NME7: variants seen among roughly 807,000 people sequenced by gnomAD.
NME7 encodes the protein nucleoside diphosphate kinase 7.
A neutral mutation model predicts 49.1 loss-of-function variants in NME7; 41 were observed. The observed-to-expected ratio is 0.83, with a 90% CI of 0.65 to 1.08. The LOEUF (loss-of-function observed/expected upper bound fraction) is 1.08. Among genes scored for constraint, NME7 ranks in the 50% least tolerant of loss-of-function variants. The pLI, the probability that NME7 is intolerant of heterozygous loss-of-function variation, is 0.00. For missense variants in NME7, 423 were observed against 463.4 expected, an observed-to-expected ratio of 0.91 and a Z score of 0.80; for synonymous variants, 139 against 150.6, an observed-to-expected ratio of 0.92 and a Z score of 0.56.
At chr1:169,319,266 T>C (rs192878245) in intron 3 of NME7, among the ~76,000 whole-genome samples, 58 of 152,226 alleles carry the variant, frequency 3.8e-4, no homozygotes, top group African/African-American at 1.3e-3. Context: ...AATCTTCACA[T>C]AGAAAAAACG....
In NME7 at chr1:169,315,332, T is replaced by A. The variant is rs1204162721; in HGVS notation, c.279-5252A>T. On this transcript the variant is annotated intron_variant, in intron 3 of 11. Coordinates refer to ENST00000367811, the MANE Select transcript of NME7 (RefSeq NM_013330.5). The stretch of plus-strand genomic sequence containing the variant: ...CAGGCTGGAGTGCAGTGGTGCCATC[T>A]CAGCTCACTACAACCTCCACCTCCC... 4.8e-4 allele frequency among the ~76,000 whole-genome samples: 73 copies of A among 151,372 alleles called. No homozygotes were observed. The Admixed American group carries it at 4.8e-3, about 10-fold the overall frequency.
chr1:169,164,751 A>G (rs1659358341), intron 11 of NME7, among the ~76,000 whole-genome samples: 1 of 152,182 alleles, frequency 6.6e-6, no homozygotes, highest in Non-Finnish European at 1.5e-5. Context: ...ACATCTGTGC[A>G]GATAACTTTC....
intron 7 of NME7, among the ~76,000 whole-genome samples, chr1:169,256,470 T>A (rs57643418): frequency 0.018 from 2,425 of 133,390 alleles, 341 homozygotes; most frequent in African/African-American, 0.054. Context: ...TTCTTCTAAA[T>A]CTTTTTCAAA....
chr1:169,251,354 G>T (rs1298756167), intron 7 of NME7, among the ~76,000 whole-genome samples: 3 of 151,804 alleles, frequency 2.0e-5, no homozygotes, highest in African/African-American at 7.3e-5. Context: ...TATACCCTAA[G>T]TTTATATGAA....
intron 10 of NME7, among the ~76,000 whole-genome samples, chr1:169,181,121 T>C (rs2101748455): frequency 6.9e-6 from 1 of 144,890 alleles, no homozygotes; most frequent in Non-Finnish European, 1.5e-5. Context: ...TCCTAGGCTA[T>C]AATCCTATCT....
chr1:169,308,650 G>GT (rs142059244), intron 4 of NME7, among the ~76,000 whole-genome samples: 1 of 151,540 alleles, frequency 6.6e-6, no homozygotes, highest in African/African-American at 2.4e-5. Context: ...AAAATCACTA[G>GT]TTTTTTTTCT....
chr1:169,180,526 C>A (rs1011898303), intron 10 of NME7, among the ~76,000 whole-genome samples: 1 of 152,108 alleles, frequency 6.6e-6, no homozygotes, highest in Non-Finnish European at 1.5e-5. Context: ...CCTAAACTGC[C>A]GCATGTCTTC....
chr1:169,329,096 C>G (rs1053212802), intron 1 of NME7, among the ~76,000 whole-genome samples: 2 of 152,086 alleles, frequency 1.3e-5, no homozygotes, highest in Non-Finnish European at 2.9e-5. Flanking sequence ...ACCTTTCAGA[C>G]AGAGTATTCA....
At chr1:169,151,498 G>A (rs541690215) in intron 11 of NME7, among the ~76,000 whole-genome samples, 57 of 152,264 alleles carry the variant, frequency 3.7e-4, no homozygotes, top group African/African-American at 1.3e-3. Flanking sequence ...AATGAATCCA[G>A]GGTGGCCCTC....
intron 7 of NME7, among the ~76,000 whole-genome samples, chr1:169,281,756 G>C (rs971536465): frequency 6.6e-6 from 1 of 152,104 alleles, no homozygotes; most frequent in Non-Finnish European, 1.5e-5. Context: ...TACGTTTATC[G>C]ATTTGTGTAT....
At chr1:169,142,481 G>A (rs1658624233) in intron 11 of NME7, among the ~76,000 whole-genome samples, 1 of 152,076 alleles carries the variant, frequency 6.6e-6, no homozygotes, top group African/African-American at 2.4e-5. Context: ...AGAATAAACT[G>A]TACTTCTGTT....
intron 10 of NME7, among the ~76,000 whole-genome samples, chr1:169,173,087 G>A (rs1448084956): frequency 6.6e-6 from 1 of 152,266 alleles, no homozygotes; most frequent in East Asian, 1.9e-4. Context: ...GTGGAAAAAG[G>A]CTCTCTGGAT....
At chr1:169,353,283 A>G (rs11809378) in intron 1 of NME7, among the ~76,000 whole-genome samples, 18,279 of 152,098 alleles carry the variant, frequency 0.12, 1,158 homozygotes, top group Admixed American at 0.14. Flanking sequence ...TTCCAAGAAC[A>G]TATATTGGAG....
At chr1:169,222,818 A>G (rs1661185394) in intron 10 of NME7, among the ~76,000 whole-genome samples, 1 of 152,224 alleles carries the variant, frequency 6.6e-6, no homozygotes, top group South Asian at 2.1e-4. Flanking sequence ...AAAGTTACTA[A>G]TAGACTACAG....
chr1:169,161,204 C>A (rs1336456847), intron 11 of NME7, among the ~76,000 whole-genome samples: 1 of 152,162 alleles, frequency 6.6e-6, no homozygotes, highest in Non-Finnish European at 1.5e-5. Flanking sequence ...TTATCTCTTG[C>A]CATTTTCTAC....
intron 11 of NME7, among the ~76,000 whole-genome samples, chr1:169,164,625 G>A (rs1415891985): frequency 6.6e-6 from 1 of 152,106 alleles, no homozygotes; most frequent in East Asian, 1.9e-4. Flanking sequence ...ACACACATAC[G>A]GACTGATGCA....
rs1414601293 is a variant in NME7 at position 169,287,136 on chromosome 1, T to A, written c.754+167A>T. On this transcript the variant is annotated intron_variant, in intron 7 of 11. Coordinates refer to ENST00000367811, the MANE Select transcript of NME7 (RefSeq NM_013330.5). ...CCACAAAGAAAAGACAAATAGAGAT[T>A]TAGACAGATTTTCCCTTATATTTTG... is the stretch of plus-strand genomic sequence containing the variant. The A allele has an allele frequency of 1.9e-5, 11 of 592,002 alleles. No individual in the cohort carries two copies. The East Asian group carries it at 3.1e-4, about 17-fold the overall frequency. The allele number at this position is 592,002 out of a possible 1,614,324, so 36.7% of individuals were successfully genotyped here. A position where few individuals can be genotyped will look rare whatever the true frequency, so the allele number is the denominator to read the frequency against.
chr1:169,278,412 C>T (rs1183178034), intron 7 of NME7, among the ~76,000 whole-genome samples: 2 of 152,072 alleles, frequency 1.3e-5, no homozygotes, highest in East Asian at 1.9e-4. Context: ...CTCTAAACTT[C>T]CCTTCTCACT....
chr1:169,156,154 C>CAAAA (rs71121729), intron 11 of NME7, among the ~76,000 whole-genome samples: 6 of 135,912 alleles, frequency 4.4e-5, no homozygotes, highest in Non-Finnish European at 7.9e-5. Flanking sequence ...CCTGTCTCTA[C>CAAAA]AAAAAAAAAT....
Sources: gnomAD v4.1 joint callset for allele counts (sites outside exome capture counted in the v4.1 genomes callset) on GRCh38, gnomAD v4.1.1 for gene constraint, MANE v1.5 for transcripts, NCBI Gene and HGNC (gene_info 2026-07-23, HGNC 2026-07-21) for gene names.